TAFA1: variants seen among roughly 807,000 people sequenced by gnomAD.
TAFA1 encodes TAFA chemokine like family member 1, also known as chemokine-like protein TAFA-1.
TAFA1 carries 4 observed loss-of-function variants against 18.5 expected under a neutral mutation model. That is an observed-to-expected ratio of 0.22 (90% CI 0.11 to 0.49). The LOEUF is 0.49. TAFA1 is among the 20% of genes least tolerant of loss of function. The probability of loss-of-function intolerance (pLI) is 0.98; values close to 1 mark genes in which losing one functional copy is unlikely to be tolerated. For missense variants in TAFA1, 147 were observed against 169.0 expected, an observed-to-expected ratio of 0.87 and a Z score of 0.72; for synonymous variants, 56 against 55.2, an observed-to-expected ratio of 1.01 and a Z score of -0.06.
At chr3:68,381,377 T>G (rs370514259) in intron 2 of TAFA1, among the ~76,000 whole-genome samples, 9 of 151,708 alleles carry the variant, frequency 5.9e-5, no homozygotes, top group Admixed American at 3.3e-4. Context: ...GCCATTTTCA[T>G]GATATTGATT....
chr3:68,134,941 C>T (rs1057381028), intron 2 of TAFA1, among the ~76,000 whole-genome samples: 2 of 152,134 alleles, frequency 1.3e-5, no homozygotes, highest in South Asian at 2.1e-4. Context: ...TTTTCTTTTA[C>T]GTAACATGAT....
At chr3:68,424,633 A>G (rs764207295) in intron 3 of TAFA1, among the ~76,000 whole-genome samples, 4 of 151,996 alleles carry the variant, frequency 2.6e-5, no homozygotes, top group Non-Finnish European at 5.9e-5. Context: ...AGAGACAGCC[A>G]TGGTAGAGAA....
At chr3:68,043,791 A>G (rs1036168141) in intron 2 of TAFA1, among the ~76,000 whole-genome samples, 1 of 151,838 alleles carries the variant, frequency 6.6e-6, no homozygotes, top group African/African-American at 2.4e-5. Context: ...GAAGTGGGCT[A>G]TTTCTAGGAA....
At chr3:68,192,389 A>G in intron 2 of TAFA1, 1 of 168,390 alleles carries the variant, frequency 5.9e-6, no homozygotes. Context: ...TTATGTGGTC[A>G]TGGCATCTGC....
At chr3:68,524,255 C>T (rs1050512452) in intron 3 of TAFA1, among the ~76,000 whole-genome samples, 1 of 152,090 alleles carries the variant, frequency 6.6e-6, no homozygotes, top group African/African-American at 2.4e-5. Context: ...ATGGTCACGA[C>T]AGGTTTCTAA....
chr3:68,408,020 A>ATTAAATATGCATT (rs1486648549), intron 2 of TAFA1, among the ~76,000 whole-genome samples: 1 of 152,162 alleles, frequency 6.6e-6, no homozygotes, highest in Non-Finnish European at 1.5e-5. Context: ...TTAACACAGT[A>ATTAAATATGCATT]TTAAATATGC....
intron 2 of TAFA1, among the ~76,000 whole-genome samples, chr3:68,128,493 T>G (rs558285130): frequency 6.6e-6 from 1 of 152,212 alleles, no homozygotes; most frequent in African/African-American, 2.4e-5. Flanking sequence ...GGTCAAAAAC[T>G]GATTTCCTGT....
At chr3:67,996,473 A>G in the TAFA1 span, among the ~76,000 whole-genome samples, 3 of 152,156 alleles carry the variant, frequency 2.0e-5, no homozygotes, top group Non-Finnish European at 4.4e-5. Flanking sequence ...TCTGAAAGAG[A>G]GAACAGAATG....
intron 1 of TAFA1, among the ~76,000 whole-genome samples, chr3:68,004,931 A>G (rs957031882): frequency 6.6e-6 from 1 of 152,210 alleles, no homozygotes; most frequent in African/African-American, 2.4e-5. Context: ...TGCAAGCATA[A>G]AATCACAGTA....
At chr3:68,272,756 A>G (rs2067700450) in intron 2 of TAFA1, among the ~76,000 whole-genome samples, 1 of 152,122 alleles carries the variant, frequency 6.6e-6, no homozygotes, top group Non-Finnish European at 1.5e-5. Context: ...GGACATCCTA[A>G]ATGGTTTCAA....
At chr3:68,015,114 T>C (rs1361993234) in intron 2 of TAFA1, among the ~76,000 whole-genome samples, 3 of 152,166 alleles carry the variant, frequency 2.0e-5, no homozygotes, top group Admixed American at 6.5e-5. Context: ...AATATGCCCA[T>C]GGTGTAGTCC....
At chr3:68,198,769 T>G (rs902214656) in intron 2 of TAFA1, among the ~76,000 whole-genome samples, 6 of 151,560 alleles carry the variant, frequency 4.0e-5, no homozygotes, top group East Asian at 1.9e-4. Flanking sequence ...TGAGTAACAG[T>G]CCTTTATCAG....
At chr3:68,226,229 C>T (rs2066798417) in intron 2 of TAFA1, among the ~76,000 whole-genome samples, 1 of 152,158 alleles carries the variant, frequency 6.6e-6, no homozygotes, top group Admixed American at 6.5e-5. Context: ...GATTTTGTGC[C>T]ATATGCCAAT....
At chr3:68,335,930 C>T (rs1010948448) in intron 2 of TAFA1, among the ~76,000 whole-genome samples, 1 of 152,156 alleles carries the variant, frequency 6.6e-6, no homozygotes, top group Non-Finnish European at 1.5e-5. Context: ...TCCCAGATCC[C>T]AGCACACTCC....
intron 2 of TAFA1, among the ~76,000 whole-genome samples, chr3:68,164,806 T>G (rs907790525): frequency 6.6e-6 from 1 of 152,210 alleles, no homozygotes; most frequent in African/African-American, 2.4e-5. Flanking sequence ...GTAACTGAAT[T>G]TATTCCTTTC....
At chr3:68,261,754 C>T (rs1044156265) in intron 2 of TAFA1, among the ~76,000 whole-genome samples, 3 of 151,744 alleles carry the variant, frequency 2.0e-5, no homozygotes, top group South Asian at 2.1e-4. Flanking sequence ...CATCACACAC[C>T]GGGAACTGTT....
intron 3 of TAFA1, among the ~76,000 whole-genome samples, chr3:68,532,995 C>A (rs894068871): frequency 6.6e-6 from 1 of 151,086 alleles, no homozygotes; most frequent in African/African-American, 2.4e-5. Flanking sequence ...ACACCAGTCA[C>A]CATAGGACTG....
intron 3 of TAFA1, among the ~76,000 whole-genome samples, chr3:68,429,700 G>A (rs2071130626): frequency 6.6e-6 from 1 of 151,704 alleles, no homozygotes; most frequent in Admixed American, 6.6e-5. Context: ...CCATTATCTA[G>A]ACTCATATCT....
intron 2 of TAFA1, among the ~76,000 whole-genome samples, chr3:68,021,911 A>T (rs1395972741): frequency 6.6e-6 from 1 of 152,174 alleles, no homozygotes; most frequent in Non-Finnish European, 1.5e-5. Context: ...GGCAAAAACC[A>T]TATAGAAGCC....
Sources: gnomAD v4.1 joint callset for allele counts (sites outside exome capture counted in the v4.1 genomes callset) on GRCh38, gnomAD v4.1.1 for gene constraint, MANE v1.5 for transcripts, NCBI Gene and HGNC (gene_info 2026-07-23, HGNC 2026-07-21) for gene names.